The following CHL1 variants were observed in gnomAD, a reference collection of about 807,000 sequenced individuals.
CHL1 encodes cell adhesion molecule L1 like, also known as neural cell adhesion molecule L1-like protein.
CHL1 carries 96 observed loss-of-function variants against 141.9 expected under a neutral mutation model. The observed-to-expected ratio is 0.68, with a 90% CI of 0.57 to 0.80. The LOEUF is 0.80. CHL1 is among the 30% of genes least tolerant of loss of function. The probability of loss-of-function intolerance (pLI) is 0.00; values close to 1 mark genes in which losing one functional copy is unlikely to be tolerated. For synonymous variants in CHL1, 613 were observed against 502.2 expected (o/e 1.22, Z -2.95); for missense variants, 1,820 against 1,457.2 (o/e 1.25, Z -4.05).
intron 2 of CHL1, among the ~76,000 whole-genome samples, chr3:297,223 C>G (rs982428216): frequency 2.0e-5 from 3 of 151,478 alleles, no homozygotes; most frequent in Non-Finnish European, 4.4e-5. Flanking sequence ...GAGACCTCGT[C>G]TTAAGAAAAT....
At chr3:213,159 T>C (rs999688918) in intron 1 of CHL1, 7 of 152,332 alleles carry the variant, frequency 4.6e-5, no homozygotes, top group South Asian at 4.1e-4. Flanking sequence ...TAAATTGTTA[T>C]TAATGTTCTA....
At chr3:317,065 G>A (rs968416849) in intron 2 of CHL1, among the ~76,000 whole-genome samples, 4 of 151,980 alleles carry the variant, frequency 2.6e-5, no homozygotes, top group Non-Finnish European at 5.9e-5. Context: ...TTACTTGAAC[G>A]GGGTCACATT....
At chr3:238,780 A>T (rs1574818826) in intron 1 of CHL1, among the ~76,000 whole-genome samples, 1 of 151,850 alleles carries the variant, frequency 6.6e-6, no homozygotes, top group Admixed American at 6.6e-5. Flanking sequence ...CAAAAAAAAA[A>T]AAAATAGCTG....
At chr3:209,011 AT>A (rs1482671813) in intron 1 of CHL1, among the ~76,000 whole-genome samples, 9 of 152,356 alleles carry the variant, frequency 5.9e-5, no homozygotes, top group South Asian at 2.1e-4. Flanking sequence ...AAGTAAAAAA[AT>A]ATAAAGTTAA....
chr3:343,229 G>A (rs975506609), intron 8 of CHL1, among the ~76,000 whole-genome samples, 198 bp downstream of exon 8: 8 of 151,958 alleles, frequency 5.3e-5, no homozygotes, highest in African/African-American at 1.9e-4. Flanking sequence ...ATATATAACT[G>A]TATAAATATA....
intron 5 of CHL1, among the ~76,000 whole-genome samples, chr3:336,051 C>T (rs1054359763): frequency 3.9e-5 from 6 of 152,040 alleles, no homozygotes; most frequent in Non-Finnish European, 4.4e-5. Context: ...TTATGAATGA[C>T]GACACTGAAA....
At chr3:314,347 A>C (rs866882021) in intron 2 of CHL1, among the ~76,000 whole-genome samples, 2,359 of 90,572 alleles carry the variant, frequency 0.026, 163 homozygotes, top group African/African-American at 0.1. Context: ...ATATATATAT[A>C]TATATATATA....
intron 24 of CHL1, among the ~76,000 whole-genome samples, 171 bp from the exon 25 acceptor site, chr3:398,056 A>G (rs1443567111): frequency 1.3e-5 from 2 of 152,192 alleles, no homozygotes; most frequent in African/African-American, 4.8e-5. Context: ...ATTTCATTAT[A>G]TTAAAAAAGA....
At chr3:385,333 C>G (rs1449245436) in intron 19 of CHL1, among the ~76,000 whole-genome samples, 1 of 152,122 alleles carries the variant, frequency 6.6e-6, no homozygotes, top group African/African-American at 2.4e-5. Flanking sequence ...TGGTGTCAGT[C>G]TTATATGTCA....
At chr3:218,699 A>G (rs865919013) in intron 1 of CHL1, among the ~76,000 whole-genome samples, 1 of 152,244 alleles carries the variant, frequency 6.6e-6, no homozygotes, top group Non-Finnish European at 1.5e-5. Flanking sequence ...TGTGATATAA[A>G]GAATGACATA....
At chr3:380,889 G>A (rs1706945914) in intron 16 of CHL1, among the ~76,000 whole-genome samples, 1 of 152,064 alleles carries the variant, frequency 6.6e-6, no homozygotes, top group Non-Finnish European at 1.5e-5. Flanking sequence ...TATGTGTGAG[G>A]CACTGTGGGC....
intron 2 of CHL1, among the ~76,000 whole-genome samples, chr3:283,736 C>G (rs1400497918): frequency 1.3e-5 from 2 of 152,124 alleles, no homozygotes; most frequent in South Asian, 2.1e-4. Context: ...GAACCATCAT[C>G]CCCGGCATCT....
At chr3:388,310 G>A (rs944248485) in intron 19 of CHL1, among the ~76,000 whole-genome samples, 1 of 152,218 alleles carries the variant, frequency 6.6e-6, no homozygotes, top group South Asian at 2.1e-4. Flanking sequence ...CACTCTGGGA[G>A]GCCGAGGCAG....
At chr3:396,563 C>A (rs1457356635) in intron 24 of CHL1, among the ~76,000 whole-genome samples, 1 of 152,136 alleles carries the variant, frequency 6.6e-6, no homozygotes, top group Non-Finnish European at 1.5e-5. Flanking sequence ...GATGAAAGTG[C>A]TGTTCATGTG....
intron 5 of CHL1, 170 bp downstream of exon 5, chr3:328,524 G>A (rs1315107919): frequency 1.2e-5 from 6 of 487,604 alleles, no homozygotes; most frequent in Non-Finnish European, 2.1e-5. Context: ...CTTAAAATCG[G>A]ATGACCTTAG....
chr3:376,373 T>A (rs1285568389), intron 15 of CHL1: 1 of 516,600 alleles, frequency 1.9e-6, no homozygotes, highest in Non-Finnish European at 3.9e-6. Flanking sequence ...TCTCCAAATG[T>A]ACTGATTTGG....
At chr3:318,960 C>T (rs1243212406) in intron 2 of CHL1, among the ~76,000 whole-genome samples, 3 of 151,456 alleles carry the variant, frequency 2.0e-5, no homozygotes, top group African/African-American at 7.3e-5. Context: ...TCATATACAC[C>T]ATGGAATACT....
chr3:259,933 G>C (rs145379928), intron 2 of CHL1, among the ~76,000 whole-genome samples: 1 of 152,208 alleles, frequency 6.6e-6, no homozygotes, highest in African/African-American at 2.4e-5. Flanking sequence ...CACAATCTCA[G>C]TGCACTAAAC....
In CHL1 at chr3:328,285, A is replaced by G; in HGVS notation, c.316A>G (p.Lys106Glu). The G allele has an allele frequency of 6.2e-7, 1 of 1,612,658 alleles. No homozygotes were observed. The change falls in exon 5 of 28, where the codon AAA becomes GAA. Residue 106 changes from lysine (K) to glutamate (E), a missense_variant. By Grantham distance (56) the Lys-to-Glu change is moderately conservative. Coordinates refer to ENST00000256509, the MANE Select transcript of CHL1 (RefSeq NM_006614.4). ...GGGGCACATATCTCACTTTCAAGGG[A>G]AATACCGCTGCTTTGCTTCAAATAA... is the stretch of plus-strand genomic sequence containing the variant. ...NEGHISHFQG[K>E]YRCFASNKLG... is the part of the protein sequence containing the mutation.
Sources: allele counts gnomAD v4.1 joint callset (sites outside exome capture counted in the v4.1 genomes callset), GRCh38; gene constraint gnomAD v4.1.1; transcripts MANE v1.5; gene names NCBI Gene and HGNC (gene_info 2026-07-23, HGNC 2026-07-21).